The following ATP2B4 variants were observed in gnomAD, a reference collection of about 807,000 sequenced individuals.
ATP2B4 encodes plasma membrane calcium-transporting ATPase 4.
A neutral mutation model predicts 110.3 loss-of-function variants in ATP2B4; 39 were observed. The observed-to-expected ratio is 0.35, with a 90% CI of 0.27 to 0.46. The LOEUF (loss-of-function observed/expected upper bound fraction) is 0.46, where lower values mean the gene tolerates loss of function less well. Ranked by LOEUF, ATP2B4 falls within the 20% of genes least tolerant of loss-of-function variation. The probability of loss-of-function intolerance (pLI) is 1.00; values close to 1 mark genes in which losing one functional copy is unlikely to be tolerated. For missense variants in ATP2B4, 1,135 were observed against 1,530.9 expected, an observed-to-expected ratio of 0.74 and a Z score of 4.32; for synonymous variants, 538 against 571.7, an observed-to-expected ratio of 0.94 and a Z score of 0.84.
chr1:203,727,647 T>A, intron 20 of ATP2B4, 76 bp downstream of exon 20: 1 of 1,561,880 alleles, frequency 6.4e-7, no homozygotes, highest in Non-Finnish European at 8.7e-7. Flanking sequence ...GGGTAGCAGT[T>A]CTTGTCGGCC....
intron 20 of ATP2B4, among the ~76,000 whole-genome samples, chr1:203,728,719 T>G (rs1171071797): frequency 1.3e-4 from 20 of 152,040 alleles, no homozygotes; most frequent in Non-Finnish European, 4.4e-5. Flanking sequence ...TAGCCGGGCG[T>G]AGTGGCACAT....
chr1:203,713,711 C>T (rs2102403241), intron 14 of ATP2B4, among the ~76,000 whole-genome samples: 1 of 152,278 alleles, frequency 6.6e-6, no homozygotes, highest in East Asian at 1.9e-4. Context: ...GTGATCCGCC[C>T]ACCTCGGCCT....
intron 2 of ATP2B4, among the ~76,000 whole-genome samples, chr1:203,685,814 A>G (rs1186379627): frequency 1.3e-5 from 2 of 152,198 alleles, no homozygotes; most frequent in Admixed American, 6.5e-5. Context: ...TAAATAATAC[A>G]TATACAGTGC....
intron 8 of ATP2B4, among the ~76,000 whole-genome samples, chr1:203,704,724 G>GC (rs1665800535): frequency 6.6e-6 from 1 of 151,784 alleles, no homozygotes; most frequent in African/African-American, 2.4e-5. Flanking sequence ...CAAGTGATCC[G>GC]CCCACCTCGG....
At chr1:203,688,767 G>C (rs1283679498) in intron 2 of ATP2B4, among the ~76,000 whole-genome samples, 1 of 152,140 alleles carries the variant, frequency 6.6e-6, no homozygotes, top group Non-Finnish European at 1.5e-5. Flanking sequence ...GAGAGCATGA[G>C]CCAAAAAGAG....
At chr1:203,705,299 A>G (rs1462088727) in intron 8 of ATP2B4, among the ~76,000 whole-genome samples, 2 of 152,246 alleles carry the variant, frequency 1.3e-5, no homozygotes, top group African/African-American at 4.8e-5. Context: ...TACATGGATG[A>G]GATGAATTGC....
At chr1:203,666,990 C>T (rs1458310935) in intron 1 of ATP2B4, among the ~76,000 whole-genome samples, 1 of 152,190 alleles carries the variant, frequency 6.6e-6, no homozygotes, top group East Asian at 1.9e-4. Flanking sequence ...CTCACTTTGT[C>T]ATCCAGGCTG....
chr1:203,659,932 A>T (rs1024138454), intron 1 of ATP2B4, among the ~76,000 whole-genome samples: 2 of 152,064 alleles, frequency 1.3e-5, no homozygotes, highest in East Asian at 3.9e-4. Flanking sequence ...AAACACAAAA[A>T]TTAGCCGGGC....
Position 203,707,850 on chromosome 1 carries a change from T to G in ATP2B4, c.1315-12T>G. On this transcript the variant is annotated splice_polypyrimidine_tract_variant and intron_variant, in intron 9 of 20. Transcript: ENST00000357681. The stretch of plus-strand genomic sequence containing the variant: ...AGTCCCCCTCTCAAGTCTTTTCTCT[T>G]CTCCTTTGTAGAAAATGATGAAAGA... The G allele has an allele frequency of 6.2e-7, 1 of 1,612,810 alleles. No individual in the cohort carries two copies. The highest frequency in any genetic ancestry group is 1.7e-4 in the Middle Eastern group (1 of 6,002).
chr1:203,686,157 C>T (rs1159194800), intron 2 of ATP2B4, among the ~76,000 whole-genome samples: 2 of 152,166 alleles, frequency 1.3e-5, no homozygotes, highest in Non-Finnish European at 2.9e-5. Context: ...CTTTTACAGC[C>T]GTACTGACTG....
chr1:203,733,230 T>A, intron 20 of ATP2B4: 1 of 1,612,634 alleles, frequency 6.2e-7, no homozygotes, highest in Non-Finnish European at 8.5e-7. Flanking sequence ...CAGATCGACG[T>A]AATTAACACA....
At chr1:203,720,417 C>T (rs1571761583) in intron 15 of ATP2B4, 132 bp from the exon 16 acceptor site, 6 of 857,338 alleles carry the variant, frequency 7.0e-6, no homozygotes, top group East Asian at 2.9e-5. Context: ...GACACATTTG[C>T]TCTTTGTTTT....
At chr1:203,692,183 T>A (rs1665398941) in intron 2 of ATP2B4, among the ~76,000 whole-genome samples, 1 of 147,414 alleles carries the variant, frequency 6.8e-6, no homozygotes, top group Non-Finnish European at 1.5e-5. Context: ...CCCGGCCTTT[T>A]TTTTCTTTTT....
At chr1:203,636,580 G>C (rs1663445273) in intron 1 of ATP2B4, among the ~76,000 whole-genome samples, 1 of 152,198 alleles carries the variant, frequency 6.6e-6, no homozygotes, top group African/African-American at 2.4e-5. Context: ...GGAGGAGTTT[G>C]TTCTAGTGGG....
intron 1 of ATP2B4, among the ~76,000 whole-genome samples, chr1:203,630,222 A>C (rs930047719): frequency 1.3e-5 from 2 of 152,082 alleles, no homozygotes; most frequent in African/African-American, 4.8e-5. Context: ...ACTCCCACTA[A>C]CCGGAGGTCC....
chr1:203,732,037 C>G (rs367772973), intron 20 of ATP2B4, among the ~76,000 whole-genome samples: 2 of 150,894 alleles, frequency 1.3e-5, no homozygotes, highest in Non-Finnish European at 3.0e-5. Context: ...AATTAGCCAG[C>G]CTGGTGGCGG....
intron 1 of ATP2B4, among the ~76,000 whole-genome samples, chr1:203,667,513 T>G (rs1204332104): frequency 6.6e-6 from 1 of 152,240 alleles, no homozygotes; most frequent in Non-Finnish European, 1.5e-5. Flanking sequence ...AGACTAGTGT[T>G]GGAGGTAGCT....
intron 1 of ATP2B4, among the ~76,000 whole-genome samples, chr1:203,667,105 C>T (rs1387294602): frequency 6.6e-6 from 1 of 152,130 alleles, no homozygotes; most frequent in Non-Finnish European, 1.5e-5. Context: ...GTGCGCACCA[C>T]CATGCCTGGC....
At chr1:203,654,009 G>A (rs1227923635) in intron 1 of ATP2B4, among the ~76,000 whole-genome samples, 1 of 133,312 alleles carries the variant, frequency 7.5e-6, no homozygotes, top group African/African-American at 2.8e-5. Flanking sequence ...TTGAGATGGA[G>A]TTTCGCTCTT....
Sources: allele counts gnomAD v4.1 joint callset (sites outside exome capture counted in the v4.1 genomes callset), GRCh38; gene constraint gnomAD v4.1.1; transcripts MANE v1.5; gene names NCBI Gene and HGNC (gene_info 2026-07-23, HGNC 2026-07-21).